Variants in GUCY2D observed in about 807,000 individuals in gnomAD.
The protein encoded by GUCY2D is guanylate cyclase 2D, retinal.
A neutral mutation model predicts 101.3 loss-of-function variants in GUCY2D; 70 were observed. The observed-to-expected ratio is 0.69, with a 90% confidence interval of 0.57 to 0.84. The LOEUF (loss-of-function observed/expected upper bound fraction) is 0.84. GUCY2D is among the 40% of genes least tolerant of loss of function. GUCY2D has a pLI of 0.00. For missense variants in GUCY2D, 1,460 were observed against 1,542.5 expected (o/e 0.95, Z 0.90); for synonymous variants, 688 against 670.7 (o/e 1.03, Z -0.40).
At chr17:8,012,057 C>A in intron 8 of GUCY2D, 87 bp from the exon 9 acceptor site, 1 of 914,194 alleles carries the variant, frequency 1.1e-6, no homozygotes, top group South Asian at 1.3e-5. Flanking sequence ...TCTTCTGGGT[C>A]TGGATACTCA....
At chr17:8,005,565 C>T (rs1975721285) in intron 3 of GUCY2D, among the ~76,000 whole-genome samples, 1 of 152,212 alleles carries the variant, frequency 6.6e-6, no homozygotes, top group African/African-American at 2.4e-5. Context: ...TCCCTGCCTC[C>T]CCTGGATAAT....
chr17:8,009,080 G>A (rs1479992601), intron 7 of GUCY2D, among the ~76,000 whole-genome samples: 1 of 152,238 alleles, frequency 6.6e-6, no homozygotes, highest in Non-Finnish European at 1.5e-5. Flanking sequence ...AACAGTTGAG[G>A]ATGAGGTCCA....
Position 8,014,040 on chromosome 17 carries a change from G to A in GUCY2D, c.2412+12G>A. ...ACACCTTCGACCTGGTCAGGGGCTG[G>A]GAGTGGGCAAGGACTGGGCTGGCCT... is the stretch of plus-strand genomic sequence containing the variant. On this transcript the variant is annotated intron_variant, in intron 12 of 19. Coordinates refer to ENST00000254854, the MANE Select transcript of GUCY2D (RefSeq NM_000180.4). This position sits in a 1 kb window ranked among gnomAD's most constrained non-coding sequence, Gnocchi z 4.0. 1 of 1,610,958 alleles carries A rather than the reference G, an allele frequency of 6.2e-7. No individual in the cohort carries two copies. The highest frequency in any genetic ancestry group is 8.5e-7 in the Non-Finnish European group (1 of 1,179,178).
At chr17:8,005,603 C>T (rs973017602) in intron 3 of GUCY2D, among the ~76,000 whole-genome samples, 1 of 152,244 alleles carries the variant, frequency 6.6e-6, no homozygotes, top group African/African-American at 2.4e-5. Context: ...AGGATGGTCA[C>T]TTCTAACAGC....
At chr17:8,016,385 G>A in intron 18 of GUCY2D, 58 bp from the exon 19 acceptor site, 1 of 1,440,386 alleles carries the variant, frequency 6.9e-7, no homozygotes. Context: ...CGATGACGTG[G>A]GCCCTGCCCT....
chr17:8,017,012 C>A (rs1216343834), intron 19 of GUCY2D, among the ~76,000 whole-genome samples: 3 of 152,192 alleles, frequency 2.0e-5, no homozygotes, highest in South Asian at 2.1e-4. Context: ...CTCTGAGATA[C>A]CCCTCTTTTC....
intron 4 of GUCY2D, 128 bp downstream of exon 4, chr17:8,006,842 G>T: frequency 1.1e-6 from 1 of 924,898 alleles, no homozygotes. Context: ...CCAGCCTCTG[G>T]CTTGCACAGG....
chr17:8,014,446 A>G lies in GUCY2D; in HGVS notation c.2413-155A>G, dbSNP rs1038575991. On this transcript the variant is annotated intron_variant, in intron 12 of 19. Transcript: ENST00000254854. The surrounding 1 kb of genome is among the most constrained non-coding windows in gnomAD (Gnocchi z 4.0). ...AATCGTGTCTGAAAACACAGTGCCC[A>G]GCACCCCGGGGTGCTTGATGAATAG... 1.6e-5 allele frequency: 12 copies of G among 748,726 alleles called. No homozygotes were observed. The African/African-American group carries it at 1.9e-4, about 12-fold the overall frequency. The allele number at this position is 748,726 out of a possible 1,614,324, so 46.4% of individuals were successfully genotyped here. A position where few individuals can be genotyped will look rare whatever the true frequency, so the allele number is the denominator to read the frequency against.
At chr17:8,006,958 C>CA (rs1567958605) in intron 4 of GUCY2D, 102 bp from the exon 5 acceptor site, 4 of 985,622 alleles carry the variant, frequency 4.1e-6, no homozygotes, top group Non-Finnish European at 6.4e-6. Flanking sequence ...TCTGGGCCCC[C>CA]ATCCCCCTTT....
chr17:8,007,840 T>C lies in GUCY2D; in HGVS notation c.1567-91T>C, dbSNP rs993933194. On this transcript the variant is annotated intron_variant, in intron 6 of 19. Coordinates refer to ENST00000254854, the MANE Select transcript of GUCY2D (RefSeq NM_000180.4). ...CTCATTGAGATTCCTTCGCCTCCCATCTTTAAATCCCCAAAACTCAGCCTG... is the reference window on the plus strand; with the variant it reads ...CTCATTGAGATTCCTTCGCCTCCCACCTTTAAATCCCCAAAACTCAGCCTG... 8 of 797,438 alleles carry C rather than the reference T, an allele frequency of 1.0e-5. No individual in the cohort carries two copies. The African/African-American group carries it at 1.3e-4, about 13-fold the overall frequency. 49.4% of individuals were successfully genotyped at this position (797,438 alleles called of 1,614,324 possible). A position where few individuals can be genotyped will look rare whatever the true frequency, so the allele number is the denominator to read the frequency against.
At chr17:8,005,460 C>T (rs1330791934) in intron 3 of GUCY2D, among the ~76,000 whole-genome samples, 1 of 152,190 alleles carries the variant, frequency 6.6e-6, no homozygotes, top group African/African-American at 2.4e-5. Context: ...TTCCACCTCC[C>T]ATGAACTTCA....
chr17:8,008,219 GA>G (rs1043966771), intron 7 of GUCY2D, among the ~76,000 whole-genome samples, 187 bp downstream of exon 7: 2 of 152,166 alleles, frequency 1.3e-5, no homozygotes, highest in Non-Finnish European at 2.9e-5. Flanking sequence ...AAGCACCTAG[GA>G]ATCTTCCCTC....
At position 8,013,488 on chromosome 17, in the gene GUCY2D, A is replaced by G; in HGVS notation, c.2263+236A>G. On this transcript the variant is annotated intron_variant, in intron 11 of 19. Coordinates refer to ENST00000254854, the MANE Select transcript of GUCY2D (RefSeq NM_000180.4). The surrounding 1 kb of genome is among the most constrained non-coding windows in gnomAD (Gnocchi z 5.0). ...CTTCCTCTTTCTTGATGCTGGAACC[A>G]AACTGTTTCCACAACTGACAGAACA... The G allele has an allele frequency of 1.7e-6, 1 of 596,428 alleles. No homozygotes were observed. The allele number at this position is 596,428 out of a possible 1,614,324, so 36.9% of individuals were successfully genotyped here.
rs373468027 is a variant in GUCY2D, at chr17:8,018,590, C to T, written c.*25-1538C>T. Among the ~76,000 whole-genome samples, 15 of 152,104 alleles carry T rather than the reference C, an allele frequency of 9.9e-5. 1 individual carries two copies. The East Asian group carries it at 1.7e-3, about 18-fold the overall frequency. ...GCTTCCACATTTTAAAAATGTATAG[C>T]AGATTTCCCCCTTCTCTTGAAATCA... is the stretch of plus-strand genomic sequence containing the variant. On this transcript the variant is annotated intron_variant, in intron 19 of 19. Transcript: ENST00000254854.
rs1209687919 is a variant in GUCY2D, at chr17:8,004,099, C to T, written c.969C>T (p.Asp323=). The change falls in exon 3 of 20, where the codon GAC becomes GAT. Residue 323 remains aspartate, a synonymous_variant. Coordinates refer to ENST00000254854, the MANE Select transcript of GUCY2D (RefSeq NM_000180.4). The part of the protein sequence containing the change: ...RHCPSEGSVL[D]SLRRAQERRE... ...GTCCCTCTGAAGGCAGCGTGCTGGACAGCCTGCGCAGGGCTCAAGAGCGCC... is the reference window on the plus strand; with the variant it reads ...GTCCCTCTGAAGGCAGCGTGCTGGATAGCCTGCGCAGGGCTCAAGAGCGCC... 2.5e-6 allele frequency: 4 copies of T among 1,602,366 alleles called. No homozygotes were observed. The highest frequency in any genetic ancestry group is 3.4e-6 in the Non-Finnish European group (4 of 1,179,610).
At position 8,002,781 on chromosome 17, in the gene GUCY2D, G is replaced by A. The variant is rs977901322; in HGVS notation, c.-10+47G>A. ...GCTGGGATAGGGTCGGTCTGAGGGC[G>A]CAGGCGAGTCCCTGCTGACCCCTGA... is the stretch of plus-strand genomic sequence containing the variant. On this transcript the variant is annotated intron_variant, in intron 1 of 19. Transcript: ENST00000254854. The surrounding 1 kb of genome is among the most constrained non-coding windows in gnomAD (Gnocchi z 4.9). 22 of 475,732 alleles carry A rather than the reference G, an allele frequency of 4.6e-5. No homozygotes were observed. The highest frequency in any genetic ancestry group is 7.0e-5 in the Non-Finnish European group (19 of 270,044). 29.5% of individuals were successfully genotyped at this position (475,732 alleles called of 1,614,324 possible).
Position 8,014,070 on chromosome 17 carries a change from G to T in GUCY2D, c.2412+42G>T. 1 of 1,576,192 alleles carries T rather than the reference G, an allele frequency of 6.3e-7. No homozygotes were observed. The highest frequency in any genetic ancestry group is 8.7e-7 in the Non-Finnish European group (1 of 1,151,720). On this transcript the variant is annotated intron_variant, in intron 12 of 19. Coordinates refer to ENST00000254854, the MANE Select transcript of GUCY2D (RefSeq NM_000180.4). This position sits in a 1 kb window ranked among gnomAD's most constrained non-coding sequence, Gnocchi z 4.0. ...GGGCAAGGACTGGGCTGGCCTCTGG[G>T]ATCCCAGATGCTTGTCAGCAACCTG...
chr17:8,014,531 T>G lies in GUCY2D; in HGVS notation c.2413-70T>G. 2.8e-6 allele frequency: 4 copies of G among 1,410,044 alleles called. No individual in the cohort carries two copies. Among genetic ancestry groups the G allele is most frequent in the Admixed American group, 1.7e-5 (1 of 59,666 alleles). The allele number at this position is 1,410,044 out of a possible 1,614,324, so 87.3% of individuals were successfully genotyped here. ...GTGAACAGCCCCATGAGAGGGCCCA[T>G]GAGGGGGGCATAAAGAGGGCATGGC... On this transcript the variant is annotated intron_variant, in intron 12 of 19. Transcript: ENST00000254854. The surrounding 1 kb of genome is among the most constrained non-coding windows in gnomAD (Gnocchi z 4.0).
In GUCY2D at chr17:8,006,614, C is replaced by T. The variant is rs746671374; in HGVS notation, c.1278C>T (p.Ser426=). ...ATYMLDPARG[S]FLSAGTRMHF... Reference sequence around the variant, plus strand: ...ACATGCTGGATCCTGCCCGGGGCTCCTTCCTCTCCGCCGGTACCCGGATGC... The same window carrying T: ...ACATGCTGGATCCTGCCCGGGGCTCTTTCCTCTCCGCCGGTACCCGGATGC... Residue 426 remains serine, a synonymous_variant, in exon 4 of 20, where the codon TCC becomes TCT. Coordinates refer to ENST00000254854, the MANE Select transcript of GUCY2D (RefSeq NM_000180.4). 1.5e-5 allele frequency: 25 copies of T among 1,612,940 alleles called. No individual in the cohort carries two copies. The African/African-American group carries it at 3.1e-4, about 20-fold the overall frequency.
Sources: allele counts gnomAD v4.1 joint callset (sites outside exome capture counted in the v4.1 genomes callset), GRCh38; gene constraint gnomAD v4.1.1; non-coding constraint Gnocchi (gnomAD v3.1); transcripts MANE v1.5; gene names NCBI Gene and HGNC (gene_info 2026-07-23, HGNC 2026-07-21).